SYT16: variants seen among roughly 807,000 people sequenced by gnomAD.
The protein encoded by SYT16 is synaptotagmin 16, also known as synaptotagmin-16.
SYT16 carries 42 observed loss-of-function variants against 61.4 expected under a neutral mutation model. The ratio of observed to expected loss-of-function variants is 0.68; its 90% CI spans 0.53 to 0.89. SYT16 has a LOEUF of 0.89. SYT16 is among the 40% of genes least tolerant of loss of function. The pLI is 0.00. For synonymous variants in SYT16, 314 were observed against 302.3 expected (o/e 1.04, Z -0.40); for missense variants, 804 against 807.3 (o/e 1.00, Z 0.05).
intron 2 of SYT16, among the ~76,000 whole-genome samples, chr14:61,984,028 T>C (rs952242949): frequency 6.6e-5 from 10 of 152,214 alleles, no homozygotes; most frequent in Non-Finnish European, 1.5e-5. Context: ...TTCAAAATTA[T>C]CTTGAAGCAA....
intron 1 of SYT16, among the ~76,000 whole-genome samples, chr14:61,831,005 A>G (rs2045920762): frequency 6.6e-6 from 1 of 152,244 alleles, no homozygotes; most frequent in Non-Finnish European, 1.5e-5. Flanking sequence ...TCTGTCTTGC[A>G]GCACTGTCCT....
chr14:61,955,583 T>G (rs1321390957), intron 1 of SYT16, among the ~76,000 whole-genome samples: 1 of 152,128 alleles, frequency 6.6e-6, no homozygotes. Context: ...TAGCATAATG[T>G]TCTTTAGGTT....
At chr14:61,820,469 G>GGTTT (rs2045578027) in intron 1 of SYT16, among the ~76,000 whole-genome samples, 2 of 61,080 alleles carry the variant, frequency 3.3e-5, no homozygotes, top group Non-Finnish European at 2.7e-5. Flanking sequence ...CCTCTTCAGA[G>GGTTT]TTTTTTTTTT....
At chr14:61,827,714 C>T (rs2045814872) in intron 1 of SYT16, among the ~76,000 whole-genome samples, 1 of 151,868 alleles carries the variant, frequency 6.6e-6, no homozygotes, top group African/African-American at 2.4e-5. Flanking sequence ...TTATTTATTG[C>T]CATATTTTGT....
At chr14:61,951,495 T>TC (rs2140476697) in intron 1 of SYT16, among the ~76,000 whole-genome samples, 1 of 152,282 alleles carries the variant, frequency 6.6e-6, no homozygotes, top group Non-Finnish European at 1.5e-5. Context: ...AAAATAAAGT[T>TC]ACAAACAAAT....
chr14:62,009,525 C>T (rs1263076886), intron 3 of SYT16, among the ~76,000 whole-genome samples: 2 of 152,172 alleles, frequency 1.3e-5, no homozygotes, highest in East Asian at 3.8e-4. Context: ...TATCTCTCAG[C>T]TCAAATCCAT....
chr14:62,050,925 C>T (rs2055251901), intron 3 of SYT16, among the ~76,000 whole-genome samples: 1 of 152,166 alleles, frequency 6.6e-6, no homozygotes, highest in South Asian at 2.1e-4. Context: ...GTCAGGGACC[C>T]ACTTGAGGAG....
At chr14:61,954,239 TAA>T (rs953915148) in intron 1 of SYT16, among the ~76,000 whole-genome samples, 15 of 152,070 alleles carry the variant, frequency 9.9e-5, no homozygotes, top group African/African-American at 3.6e-4. Flanking sequence ...TTTTGTTAAA[TAA>T]ACTTTCAGCT....
chr14:61,817,629 C>G (rs77079299), intron 1 of SYT16, among the ~76,000 whole-genome samples: 4,197 of 152,018 alleles, frequency 0.028, 116 homozygotes, highest in African/African-American at 0.07. Context: ...TTGAAGAAGA[C>G]TAAAGAGACC....
At position 61,900,091 on chromosome 14, in the gene SYT16, T is replaced by C. The variant is rs140649257; in HGVS notation, c.-324-70041T>C. Among the ~76,000 whole-genome samples the C allele has an allele frequency of 3.7e-3, 558 of 151,694 alleles. 2 individuals carry two copies. Among genetic ancestry groups the C allele is most frequent in the African/African-American group, 0.013 (520 of 41,354 alleles). ...AAAGAAGAAAGAGCTGGTTCCAACCTCATACCTTGGGCAGCCCACAGGTAG... is the reference window on the plus strand; with the variant it reads ...AAAGAAGAAAGAGCTGGTTCCAACCCCATACCTTGGGCAGCCCACAGGTAG... On this transcript the variant is annotated intron_variant, in intron 1 of 7. Transcript: ENST00000683842.
At chr14:62,048,617 G>A (rs2055113749) in intron 3 of SYT16, among the ~76,000 whole-genome samples, 1 of 152,160 alleles carries the variant, frequency 6.6e-6, no homozygotes, top group African/African-American at 2.4e-5. Flanking sequence ...GGCATTTAGT[G>A]CTATAAAGTT....
At chr14:62,031,206 C>T (rs1361245271) in intron 3 of SYT16, among the ~76,000 whole-genome samples, 17 of 152,178 alleles carry the variant, frequency 1.1e-4, no homozygotes, top group Non-Finnish European at 2.9e-5. Context: ...CAAGCCTCCT[C>T]CCTATATGAA....
chr14:61,831,642 T>C (rs1352529485), intron 1 of SYT16, among the ~76,000 whole-genome samples: 1 of 152,192 alleles, frequency 6.6e-6, no homozygotes, highest in Non-Finnish European at 1.5e-5. Flanking sequence ...TTGATTCATA[T>C]TCATATTCTT....
At position 61,874,704 on chromosome 14, in the gene SYT16, A is replaced by G. The variant is rs116603360; in HGVS notation, c.-325+61894A>G. ...TGTAGTATCCAAACTGAAAGCCTAAATGGCTCTTGTATTAAATAGGCTAGT... is the reference window on the plus strand; with the variant it reads ...TGTAGTATCCAAACTGAAAGCCTAAGTGGCTCTTGTATTAAATAGGCTAGT... On this transcript the variant is annotated intron_variant, in intron 1 of 7. Coordinates refer to ENST00000683842, the MANE Select transcript of SYT16 (RefSeq NM_001367656.1). Among the ~76,000 whole-genome samples the G allele has an allele frequency of 2.8e-3, 419 of 152,208 alleles. 3 individuals are homozygous for G. Among genetic ancestry groups the G allele is most frequent in the African/African-American group, 9.8e-3 (408 of 41,542 alleles).
chr14:61,820,550 C>T (rs1422012314), intron 1 of SYT16, among the ~76,000 whole-genome samples: 3 of 126,022 alleles, frequency 2.4e-5, no homozygotes, highest in Non-Finnish European at 4.7e-5. Flanking sequence ...GGCACGATCT[C>T]GGCTCACTGC....
chr14:61,901,832 G>A (rs1030565222), intron 1 of SYT16, among the ~76,000 whole-genome samples: 3 of 151,404 alleles, frequency 2.0e-5, no homozygotes. Context: ...TGCAATCTTG[G>A]CTCACTGCAA....
At chr14:62,008,336 C>T (rs2053308469) in intron 3 of SYT16, among the ~76,000 whole-genome samples, 1 of 152,060 alleles carries the variant, frequency 6.6e-6, no homozygotes, top group Non-Finnish European at 1.5e-5. Flanking sequence ...AAGGGCTGGT[C>T]TAGGTCATTG....
At chr14:62,050,456 ACTT>A (rs1394162433) in intron 3 of SYT16, among the ~76,000 whole-genome samples, 1 of 151,982 alleles carries the variant, frequency 6.6e-6, no homozygotes, top group African/African-American at 2.4e-5. Context: ...TCTTCTGAAG[ACTT>A]CTTCTCTCAA....
intron 2 of SYT16, among the ~76,000 whole-genome samples, chr14:61,976,200 T>G (rs899775363): frequency 6.6e-6 from 1 of 152,196 alleles, no homozygotes; most frequent in African/African-American, 2.4e-5. Context: ...CTTTGGCAGC[T>G]CCATTCCTGT....
Sources: allele counts gnomAD v4.1 joint callset (sites outside exome capture counted in the v4.1 genomes callset), GRCh38; gene constraint gnomAD v4.1.1; transcripts MANE v1.5; gene names NCBI Gene and HGNC (gene_info 2026-07-23, HGNC 2026-07-21).